TAFA1: variants seen among roughly 807,000 people sequenced by gnomAD.
TAFA1 encodes TAFA chemokine like family member 1, also known as chemokine-like protein TAFA-1.
Under a neutral mutation model 18.5 loss-of-function variants are expected in TAFA1, and 4 were observed. The observed-to-expected ratio is 0.22, with a 90% CI of 0.11 to 0.49. The LOEUF is 0.49. Among genes scored for constraint, TAFA1 ranks in the 20% least tolerant of loss-of-function variants. The pLI is 0.98. For synonymous variants in TAFA1, 56 were observed against 55.2 expected, an observed-to-expected ratio of 1.01 and a Z score of -0.06; for missense variants, 147 against 169.0, an observed-to-expected ratio of 0.87 and a Z score of 0.72.
chr3:68,300,064 G>T (rs540814002), intron 2 of TAFA1, among the ~76,000 whole-genome samples: 1 of 152,364 alleles, frequency 6.6e-6, no homozygotes, highest in African/African-American at 2.4e-5. Context: ...GTCTAGTGGA[G>T]CTGAGAGAAG....
intron 2 of TAFA1, among the ~76,000 whole-genome samples, chr3:68,310,789 A>C (rs531507690): frequency 8.5e-5 from 13 of 152,318 alleles, no homozygotes; most frequent in African/African-American, 2.9e-4. Flanking sequence ...TTAATGCTAA[A>C]AGATAGTGAA....
chr3:68,266,346 G>T (rs1429659672), intron 2 of TAFA1, among the ~76,000 whole-genome samples: 1 of 152,086 alleles, frequency 6.6e-6, no homozygotes, highest in African/African-American at 2.4e-5. Context: ...GTATCACAAG[G>T]GTTGTGAAGT....
At chr3:68,542,625 G>A (rs892480632) in intron 4 of TAFA1, among the ~76,000 whole-genome samples, 1 of 152,102 alleles carries the variant, frequency 6.6e-6, no homozygotes, top group African/African-American at 2.4e-5. Flanking sequence ...TTTGGCAAAG[G>A]TTATGAATGC....
chr3:68,533,530 A>G (rs1348384098), intron 3 of TAFA1, among the ~76,000 whole-genome samples: 2 of 152,228 alleles, frequency 1.3e-5, no homozygotes, highest in Admixed American at 6.5e-5. Flanking sequence ...CACTAAATCT[A>G]CATGTTGCAT....
intron 2 of TAFA1, among the ~76,000 whole-genome samples, chr3:68,349,388 C>G (rs761430276): frequency 6.6e-6 from 1 of 151,798 alleles, no homozygotes; most frequent in African/African-American, 2.4e-5. Context: ...AAAGGTGTTA[C>G]GGAAATAAAG....
intron 2 of TAFA1, among the ~76,000 whole-genome samples, chr3:68,190,482 C>T (rs927539189): frequency 6.6e-6 from 1 of 151,852 alleles, no homozygotes; most frequent in Non-Finnish European, 1.5e-5. Context: ...AGTCCATCAC[C>T]TCATTGCTCT....
At chr3:68,404,712 G>T (rs987951539) in intron 2 of TAFA1, among the ~76,000 whole-genome samples, 1 of 151,830 alleles carries the variant, frequency 6.6e-6, no homozygotes, top group Non-Finnish European at 1.5e-5. Flanking sequence ...AAGGAGGGTC[G>T]CTTGAACCCA....
intron 2 of TAFA1, among the ~76,000 whole-genome samples, chr3:68,110,669 C>T (rs545961033): frequency 6.6e-5 from 10 of 152,226 alleles, no homozygotes; most frequent in African/African-American, 2.4e-4. Flanking sequence ...AGCCATCATG[C>T]ATTAAGAATG....
chr3:68,092,660 A>G (rs1266245010), intron 2 of TAFA1, among the ~76,000 whole-genome samples: 1 of 152,188 alleles, frequency 6.6e-6, no homozygotes, highest in African/African-American at 2.4e-5. Flanking sequence ...TAAAGAGTTT[A>G]TAGGTACATT....
At chr3:68,263,892 T>G (rs1307639379) in intron 2 of TAFA1, among the ~76,000 whole-genome samples, 2 of 152,216 alleles carry the variant, frequency 1.3e-5, no homozygotes, top group Non-Finnish European at 2.9e-5. Flanking sequence ...TTTACTTTAA[T>G]GCATATCAAT....
At chr3:68,048,262 C>T (rs563151166) in intron 2 of TAFA1, among the ~76,000 whole-genome samples, 8 of 151,754 alleles carry the variant, frequency 5.3e-5, no homozygotes, top group Non-Finnish European at 8.8e-5. Context: ...ATATTGAAGA[C>T]GGGCTTATGG....
chr3:68,282,713 GA>G (rs1474147537), intron 2 of TAFA1, among the ~76,000 whole-genome samples: 1 of 152,174 alleles, frequency 6.6e-6, no homozygotes, highest in African/African-American at 2.4e-5. Flanking sequence ...TGTGAAGAGG[GA>G]AATTGCTGGC....
chr3:68,379,472 T>C (rs2069886248), intron 2 of TAFA1, among the ~76,000 whole-genome samples: 1 of 152,212 alleles, frequency 6.6e-6, no homozygotes. Context: ...TACTATCTTT[T>C]GCTGTGCAGA....
chr3:68,496,065 G>A (rs1262776658), intron 3 of TAFA1, among the ~76,000 whole-genome samples: 2 of 148,022 alleles, frequency 1.4e-5, no homozygotes, highest in Non-Finnish European at 3.0e-5. Flanking sequence ...ATATCACTGT[G>A]TCTGTGGTTT....
chr3:68,394,605 T>C (rs906529578), intron 2 of TAFA1, among the ~76,000 whole-genome samples: 3 of 151,814 alleles, frequency 2.0e-5, no homozygotes, highest in Admixed American at 6.6e-5. Context: ...CCAAAACAGA[T>C]ATATAGACCA....
chr3:68,353,762 G>A (rs1352595123), intron 2 of TAFA1, among the ~76,000 whole-genome samples: 1 of 151,972 alleles, frequency 6.6e-6, no homozygotes, highest in South Asian at 2.1e-4. Context: ...GTCTCCTAAC[G>A]TTTTAACATG....
intron 3 of TAFA1, among the ~76,000 whole-genome samples, chr3:68,523,814 T>G (rs534263656): frequency 4.6e-5 from 7 of 152,282 alleles, no homozygotes; most frequent in Non-Finnish European, 7.4e-5. Flanking sequence ...CATTTATAGA[T>G]TGGGGTTTGT....
At position 68,267,289 on chromosome 3, in the gene TAFA1, C is replaced by T. The variant is rs78023506; in HGVS notation, c.119-149991C>T. On this transcript the variant is annotated intron_variant, in intron 2 of 4. Transcript: ENST00000478136. Reference sequence around the variant, plus strand: ...AACATTTGTAAGAAACTTACTGAACCCATACTTGTATGCTAAGCCCTTAAC... The same window carrying T: ...AACATTTGTAAGAAACTTACTGAACTCATACTTGTATGCTAAGCCCTTAAC... Among the ~76,000 whole-genome samples, 768 of 152,264 alleles carry T rather than the reference C, an allele frequency of 5.0e-3. 3 individuals are homozygous for T. Among genetic ancestry groups the T allele is most frequent in the Middle Eastern group, 0.01 (3 of 294 alleles).
intron 2 of TAFA1, among the ~76,000 whole-genome samples, chr3:68,370,063 C>T (rs936288563): frequency 3.3e-5 from 5 of 150,816 alleles, no homozygotes; most frequent in East Asian, 2.0e-4. Context: ...CCGAGGCAGG[C>T]GGATCACAAG....
Sources: gnomAD v4.1 joint callset for allele counts (sites outside exome capture counted in the v4.1 genomes callset) on GRCh38, gnomAD v4.1.1 for gene constraint, MANE v1.5 for transcripts, NCBI Gene and HGNC (gene_info 2026-07-23, HGNC 2026-07-21) for gene names.